AGBL4: variants seen among roughly 807,000 people sequenced by gnomAD.
The protein encoded by AGBL4 is cytosolic carboxypeptidase 6.
In AGBL4, 58 loss-of-function variants were observed where a neutral mutation model predicts 66.4. The observed-to-expected ratio is 0.87, with a 90% CI of 0.71 to 1.09. The LOEUF is 1.09. AGBL4 is among the 50% of genes least tolerant of loss of function. The pLI, the probability that AGBL4 is intolerant of heterozygous loss-of-function variation, is 0.00. For synonymous variants in AGBL4, 234 were observed against 222.9 expected (o/e 1.05, Z -0.44); for missense variants, 579 against 631.0 (o/e 0.92, Z 0.88).
In AGBL4 at chr1:48,802,972, C is replaced by G. The variant is rs897856257; in HGVS notation, c.634+64219G>C. 2.0e-5 allele frequency among the ~76,000 whole-genome samples: 3 copies of G among 152,214 alleles called. No homozygotes were observed. In the East Asian group the frequency reaches 5.8e-4, roughly 29 times the overall value. On this transcript the variant is annotated intron_variant, in intron 6 of 13. Transcript: ENST00000371839. The stretch of plus-strand genomic sequence containing the variant: ...TGCCTAACCTGATCCACCCCAGGAA[C>G]AGTGAAGGCTCCAGACTCTCAGTAC...
At chr1:48,824,694 G>C (rs1173158555) in intron 6 of AGBL4, among the ~76,000 whole-genome samples, 1 of 152,158 alleles carries the variant, frequency 6.6e-6, no homozygotes, top group African/African-American at 2.4e-5. Context: ...GGGTAAAAAG[G>C]CTCTAAACCT....
intron 5 of AGBL4, among the ~76,000 whole-genome samples, chr1:48,983,470 A>T (rs150573892): frequency 6.6e-6 from 1 of 152,356 alleles, no homozygotes; most frequent in East Asian, 1.9e-4. Context: ...CACAAGGGAC[A>T]TCTGGACCTT....
At chr1:49,948,009 A>AAT (rs1378501060) in intron 1 of AGBL4, among the ~76,000 whole-genome samples, 1 of 31,880 alleles carries the variant, frequency 3.1e-5, no homozygotes, top group African/African-American at 3.5e-4. Context: ...AATATATATA[A>AAT]ATATATAAAT....
At chr1:49,557,981 GC>G (rs1188002215) in intron 3 of AGBL4, among the ~76,000 whole-genome samples, 1 of 151,766 alleles carries the variant, frequency 6.6e-6, no homozygotes, top group Admixed American at 6.6e-5. Context: ...GAGTAGTGAG[GC>G]CTTATTCCAG....
At chr1:49,562,634 T>A (rs1329577642) in intron 3 of AGBL4, among the ~76,000 whole-genome samples, 1 of 152,136 alleles carries the variant, frequency 6.6e-6, no homozygotes, top group East Asian at 1.9e-4. Context: ...TATGGCATTA[T>A]TTCTGAGGGC....
intron 4 of AGBL4, among the ~76,000 whole-genome samples, chr1:49,060,573 G>A (rs1364493817): frequency 1.3e-5 from 2 of 152,132 alleles, no homozygotes; most frequent in Admixed American, 6.5e-5. Flanking sequence ...TGGTTACTAA[G>A]AGGGGGTGGG....
At chr1:49,200,888 G>T (rs574745236) in intron 4 of AGBL4, among the ~76,000 whole-genome samples, 1 of 152,288 alleles carries the variant, frequency 6.6e-6, no homozygotes, top group African/African-American at 2.4e-5. Flanking sequence ...CTCCCTGGAG[G>T]TTGGGGGGTG....
chr1:49,612,913 C>A (rs1354447593), intron 3 of AGBL4, among the ~76,000 whole-genome samples: 1 of 152,088 alleles, frequency 6.6e-6, no homozygotes, highest in African/African-American at 2.4e-5. Flanking sequence ...ATCCTTCTAC[C>A]AAAAATACAC....
chr1:49,126,980 C>G (rs1037580613), intron 4 of AGBL4, among the ~76,000 whole-genome samples: 3 of 152,076 alleles, frequency 2.0e-5, no homozygotes, highest in African/African-American at 7.2e-5. Flanking sequence ...CATTCAAAAG[C>G]ACATTCAAAA....
intron 9 of AGBL4, among the ~76,000 whole-genome samples, chr1:48,608,638 A>G (rs1054253978): frequency 3.9e-5 from 6 of 152,206 alleles, no homozygotes; most frequent in Admixed American, 1.3e-4. Flanking sequence ...ACATATAAGC[A>G]GTAAGTTAGA....
intron 4 of AGBL4, among the ~76,000 whole-genome samples, chr1:49,065,893 T>G (rs1457090078): frequency 6.6e-6 from 1 of 152,140 alleles, no homozygotes; most frequent in African/African-American, 2.4e-5. Flanking sequence ...GGTGTGGCAT[T>G]TGGGGAGAAC....
At chr1:49,001,737 G>C (rs747003764) in intron 5 of AGBL4, among the ~76,000 whole-genome samples, 1 of 152,176 alleles carries the variant, frequency 6.6e-6, no homozygotes, top group Non-Finnish European at 1.5e-5. Context: ...TCTGGCCACA[G>C]AGAAAGTTCT....
downstream of AGBL4, among the ~76,000 whole-genome samples, chr1:48,528,620 A>G (rs1643891894): frequency 6.6e-6 from 1 of 152,058 alleles, no homozygotes; most frequent in African/African-American, 2.4e-5. Flanking sequence ...GACCACGGGC[A>G]TGAGATTAAT....
intron 2 of AGBL4, among the ~76,000 whole-genome samples, chr1:49,757,567 G>A (rs1024173592): frequency 4.6e-4 from 70 of 152,188 alleles, no homozygotes; most frequent in African/African-American, 1.5e-3. Flanking sequence ...CCAAAAGGCT[G>A]ATAGTGATAT....
chr1:48,993,219 G>T (rs1413086563), intron 5 of AGBL4, among the ~76,000 whole-genome samples: 1 of 152,136 alleles, frequency 6.6e-6, no homozygotes, highest in Non-Finnish European at 1.5e-5. Flanking sequence ...TGCCAGGACT[G>T]GGTCCTTTTC....
At chr1:49,315,735 A>G (rs909080854) in intron 3 of AGBL4, among the ~76,000 whole-genome samples, 1 of 152,030 alleles carries the variant, frequency 6.6e-6, no homozygotes, top group Admixed American at 6.6e-5. Context: ...ACTCCTACCT[A>G]TGATCTAGCA....
rs530781066 is a variant in AGBL4, at chr1:49,844,495, T to G, written c.157+6901A>C. ...CTCTTCCTTTCCTTATTCCTTATTT[T>G]CCTCTTCCTTATTCTGTTTTTCCCT... On this transcript the variant is annotated intron_variant, in intron 2 of 13. Coordinates refer to ENST00000371839, the MANE Select transcript of AGBL4 (RefSeq NM_032785.4). Among the ~76,000 whole-genome samples the G allele has an allele frequency of 2.0e-5, 3 of 152,228 alleles. No individual in the cohort carries two copies. The South Asian group carries it at 6.2e-4, about 32-fold the overall frequency.
At chr1:49,541,255 G>A (rs943975500) in intron 3 of AGBL4, among the ~76,000 whole-genome samples, 6 of 152,194 alleles carry the variant, frequency 3.9e-5, no homozygotes, top group Admixed American at 6.5e-5. Flanking sequence ...CCTTCAGCCC[G>A]CCGCTGCACT....
intron 3 of AGBL4, among the ~76,000 whole-genome samples, chr1:49,345,912 A>G (rs1190961885): frequency 1.3e-5 from 2 of 152,174 alleles, no homozygotes; most frequent in African/African-American, 2.4e-5. Context: ...CTTGATTTCA[A>G]ATATAAGCAG....
Sources: allele counts gnomAD v4.1 joint callset (sites outside exome capture counted in the v4.1 genomes callset), GRCh38; gene constraint gnomAD v4.1.1; transcripts MANE v1.5; gene names NCBI Gene and HGNC (gene_info 2026-07-23, HGNC 2026-07-21).